Variants in CAST observed in about 807,000 individuals in gnomAD.
CAST encodes the protein calpastatin.
CAST carries 76 observed loss-of-function variants against 119.6 expected under a neutral mutation model. The ratio of observed to expected loss-of-function variants is 0.64; its 90% CI spans 0.53 to 0.77. CAST has a LOEUF of 0.77. CAST is among the 30% of genes least tolerant of loss of function. CAST has a pLI of 0.00. For synonymous variants in CAST, 319 were observed against 331.6 expected, an observed-to-expected ratio of 0.96 and a Z score of 0.41; for missense variants, 953 against 946.5, an observed-to-expected ratio of 1.01 and a Z score of -0.09.
chr5:96,522,371 C>T (rs60317507), upstream of CAST, among the ~76,000 whole-genome samples: 10,240 of 152,132 alleles, frequency 0.067, 1,115 homozygotes, highest in African/African-American at 0.23. Flanking sequence ...CATGTCAGAA[C>T]CATCACCTAC....
chr5:96,065,095 G>T, the CAST span, among the ~76,000 whole-genome samples: 3 of 152,150 alleles, frequency 2.0e-5, no homozygotes, highest in Admixed American at 6.5e-5. Context: ...TTGTTAAAAA[G>T]TCCCTGATGA....
intron 2 of CAST, among the ~76,000 whole-genome samples, chr5:96,688,503 G>A (rs905420092): frequency 6.6e-6 from 1 of 152,146 alleles, no homozygotes; most frequent in Non-Finnish European, 1.5e-5. Flanking sequence ...TGGAAGTTAA[G>A]TAAAATCATA....
At chr5:96,396,638 T>G in the CAST span, among the ~76,000 whole-genome samples, 1 of 151,892 alleles carries the variant, frequency 6.6e-6, no homozygotes, top group African/African-American at 2.4e-5. Flanking sequence ...ACAGAAGAAC[T>G]CAGAGCCAAA....
chr5:96,737,903 G>A lies in CAST; in HGVS notation c.754G>A (p.Glu252Lys). 11 of 1,609,178 alleles carry A rather than the reference G, an allele frequency of 6.8e-6. No individual in the cohort carries two copies. The highest frequency in any genetic ancestry group is 9.4e-6 in the Non-Finnish European group (11 of 1,175,654). ...DLIDTLGGPE[E>K]TEEENTTYTG... is the part of the protein sequence containing the mutation. ...AATAGATACTTTAGGAGGACCTGAAGAAACTGAAGAAGAAAATACAACGTA... is the reference window on the plus strand; with the variant it reads ...AATAGATACTTTAGGAGGACCTGAAAAAACTGAAGAAGAAAATACAACGTA... The change falls in exon 11 of 32, where the codon GAA becomes AAA. Residue 252 changes from glutamate to lysine, a missense_variant. Transcript: ENST00000675179.
chr5:95,968,916 A>G, the CAST span, among the ~76,000 whole-genome samples: 1 of 152,194 alleles, frequency 6.6e-6, no homozygotes, highest in Non-Finnish European at 1.5e-5. Context: ...CTACTAGGTG[A>G]GAAGCACTAT....
chr5:96,488,367 TA>T, the CAST span, among the ~76,000 whole-genome samples: 4 of 151,230 alleles, frequency 2.6e-5, no homozygotes, highest in Admixed American at 6.6e-5. Flanking sequence ...AAGAAACAGC[TA>T]AAAAAAAACC....
the CAST span, among the ~76,000 whole-genome samples, chr5:96,026,236 A>G: frequency 2.7e-4 from 41 of 152,256 alleles, no homozygotes; most frequent in African/African-American, 9.4e-4. Flanking sequence ...CAGTTAGTCA[A>G]TCAGAGTGGC....
At chr5:96,286,880 G>T in the CAST span, among the ~76,000 whole-genome samples, 1 of 152,060 alleles carries the variant, frequency 6.6e-6, no homozygotes, top group Non-Finnish European at 1.5e-5. Flanking sequence ...AGTTGTACAT[G>T]ATACAAATGT....
At chr5:95,973,539 G>A in the CAST span, 1 of 152,082 alleles carries the variant, frequency 6.6e-6, no homozygotes, top group African/African-American at 2.4e-5. Flanking sequence ...ACGTGTCTGG[G>A]GTGATTTTTT....
intron 1 of CAST, among the ~76,000 whole-genome samples, chr5:96,561,045 C>A (rs1746346972): frequency 6.6e-6 from 1 of 152,164 alleles, no homozygotes; most frequent in Non-Finnish European, 1.5e-5. Flanking sequence ...AGTTCATGTC[C>A]TTTGTAGGGA....
the CAST span, among the ~76,000 whole-genome samples, chr5:96,508,673 C>T: frequency 3.3e-5 from 5 of 152,212 alleles, no homozygotes; most frequent in South Asian, 2.1e-4. Flanking sequence ...GTTAGAGAGG[C>T]GCTACATCGG....
chr5:96,566,431 C>T (rs1314437358), intron 1 of CAST, among the ~76,000 whole-genome samples: 1 of 152,230 alleles, frequency 6.6e-6, no homozygotes, highest in Non-Finnish European at 1.5e-5. Flanking sequence ...TAATCTATCA[C>T]TGATGACGCA....
At chr5:96,587,187 T>A (rs1331546601) in intron 1 of CAST, among the ~76,000 whole-genome samples, 2 of 152,228 alleles carry the variant, frequency 1.3e-5, no homozygotes, top group Non-Finnish European at 1.5e-5. Flanking sequence ...GAAAGGTTTG[T>A]ACAGCACATT....
the CAST span, among the ~76,000 whole-genome samples, chr5:96,120,287 A>G: frequency 6.6e-6 from 1 of 152,050 alleles, no homozygotes; most frequent in African/African-American, 2.4e-5. Flanking sequence ...TGGGCATGTG[A>G]CCTAAGCTTG....
At chr5:96,619,498 C>T (rs1282181868) in intron 1 of CAST, among the ~76,000 whole-genome samples, 2 of 152,220 alleles carry the variant, frequency 1.3e-5, no homozygotes, top group Non-Finnish European at 2.9e-5. Flanking sequence ...GCTGCCCGAA[C>T]TAGCAGCAGC....
chr5:96,065,573 T>C, the CAST span, among the ~76,000 whole-genome samples: 1 of 152,036 alleles, frequency 6.6e-6, no homozygotes, highest in Non-Finnish European at 1.5e-5. Flanking sequence ...ATTTAGAACA[T>C]GAGATAAGGT....
chr5:96,273,312 G>C, the CAST span, among the ~76,000 whole-genome samples: 1 of 152,236 alleles, frequency 6.6e-6, no homozygotes, highest in African/African-American at 2.4e-5. Flanking sequence ...AGCTGGATAA[G>C]CTTGTTAACC....
chr5:96,291,351 T>A, the CAST span, among the ~76,000 whole-genome samples: 70 of 152,352 alleles, frequency 4.6e-4, no homozygotes, highest in African/African-American at 1.6e-3. Context: ...AAAGGCTTTG[T>A]CAATAACCCC....
chr5:96,048,766 G>A, the CAST span, among the ~76,000 whole-genome samples: 1 of 152,070 alleles, frequency 6.6e-6, no homozygotes, highest in Non-Finnish European at 1.5e-5. Context: ...CATGGCTTTG[G>A]CCATGCAATA....
Sources: gnomAD v4.1 joint callset for allele counts (sites outside exome capture counted in the v4.1 genomes callset) on GRCh38, gnomAD v4.1.1 for gene constraint, MANE v1.5 for transcripts, NCBI Gene and HGNC (gene_info 2026-07-23, HGNC 2026-07-21) for gene names.